Variants in GULP1 observed in about 807,000 individuals in gnomAD.
The protein encoded by GULP1 is PTB domain-containing engulfment adapter protein 1.
GULP1 carries 19 observed loss-of-function variants against 40.9 expected under a neutral mutation model. The observed-to-expected ratio is 0.46, with a 90% CI of 0.32 to 0.68. GULP1 has a LOEUF of 0.68. GULP1 is among the 30% of genes least tolerant of loss of function. The pLI is 0.03. For missense variants in GULP1, 312 were observed against 362.2 expected, an observed-to-expected ratio of 0.86 and a Z score of 1.12; for synonymous variants, 119 against 117.6, an observed-to-expected ratio of 1.01 and a Z score of -0.08.
At chr2:188,539,680 G>A (rs1055112185) in intron 6 of GULP1, among the ~76,000 whole-genome samples, 5 of 152,006 alleles carry the variant, frequency 3.3e-5, no homozygotes, top group East Asian at 1.9e-4. Context: ...ATGGCTTACC[G>A]TTTGGTTTAC....
At chr2:188,385,399 G>A (rs796286454) in intron 2 of GULP1, among the ~76,000 whole-genome samples, 1 of 152,136 alleles carries the variant, frequency 6.6e-6, no homozygotes, top group East Asian at 1.9e-4. Context: ...ACTTCGTAAA[G>A]CAGAGGGACC....
chr2:188,538,454 C>T (rs1689514919), intron 6 of GULP1, among the ~76,000 whole-genome samples: 2 of 151,876 alleles, frequency 1.3e-5, no homozygotes, highest in South Asian at 4.1e-4. Context: ...TTTAAAAATC[C>T]TTGAGATATT....
chr2:188,499,729 T>C (rs1296344766), intron 4 of GULP1, among the ~76,000 whole-genome samples: 1 of 151,860 alleles, frequency 6.6e-6, no homozygotes, highest in Non-Finnish European at 1.5e-5. Context: ...TTTTACTCTG[T>C]CTTCTCTAGT....
intron 7 of GULP1, among the ~76,000 whole-genome samples, chr2:188,555,607 G>T (rs1388908777): frequency 2.0e-5 from 3 of 152,180 alleles, no homozygotes; most frequent in Non-Finnish European, 4.4e-5. Flanking sequence ...CTTTACAGGT[G>T]ACTAGACGCT....
At chr2:188,546,447 C>T (rs1456224846) in intron 7 of GULP1, among the ~76,000 whole-genome samples, 2 of 151,954 alleles carry the variant, frequency 1.3e-5, no homozygotes, top group Non-Finnish European at 2.9e-5. Flanking sequence ...GGAAATGAAA[C>T]ATCATATTCA....
intron 2 of GULP1, among the ~76,000 whole-genome samples, chr2:188,456,307 G>T (rs576853488): frequency 3.3e-5 from 5 of 152,128 alleles, no homozygotes; most frequent in East Asian, 1.9e-4. Context: ...CTCCCATCAC[G>T]TGCCGGAAGG....
intron 7 of GULP1, among the ~76,000 whole-genome samples, chr2:188,552,091 C>A (rs955399347): frequency 1.3e-5 from 2 of 151,400 alleles, no homozygotes; most frequent in Non-Finnish European, 3.0e-5. Context: ...GATGAATAAT[C>A]CGAAAATATT....
chr2:188,434,620 GT>G (rs548069066), intron 2 of GULP1, among the ~76,000 whole-genome samples: 2 of 146,598 alleles, frequency 1.4e-5, no homozygotes, highest in East Asian at 2.0e-4. Flanking sequence ...TTATATTTTT[GT>G]TTTTTTTATA....
At chr2:188,543,137 C>T (rs1197976320) in intron 7 of GULP1, among the ~76,000 whole-genome samples, 3 of 151,906 alleles carry the variant, frequency 2.0e-5, no homozygotes, top group Admixed American at 6.6e-5. Flanking sequence ...TTGGATATAG[C>T]GTATCAACTA....
chr2:188,306,374 T>C (rs1282706733), intron 1 of GULP1, among the ~76,000 whole-genome samples: 1 of 152,234 alleles, frequency 6.6e-6, no homozygotes, highest in African/African-American at 2.4e-5. Context: ...AAAGTTGTCC[T>C]AATTTTGGCA....
intron 1 of GULP1, among the ~76,000 whole-genome samples, chr2:188,371,248 A>G (rs892376356): frequency 5.9e-5 from 9 of 152,178 alleles, no homozygotes; most frequent in Non-Finnish European, 1.3e-4. Flanking sequence ...AACAATAAAC[A>G]TCATTATTTC....
At chr2:188,549,800 A>T (rs1692973983) in intron 7 of GULP1, among the ~76,000 whole-genome samples, 1 of 151,792 alleles carries the variant, frequency 6.6e-6, no homozygotes. Context: ...AACAATGTGG[A>T]TGACTCTCCA....
At chr2:188,465,055 C>T (rs903530801) in intron 2 of GULP1, among the ~76,000 whole-genome samples, 1 of 151,862 alleles carries the variant, frequency 6.6e-6, no homozygotes, top group Non-Finnish European at 1.5e-5. Context: ...TTACTTTTTC[C>T]TCCACTTCTC....
intron 1 of GULP1, among the ~76,000 whole-genome samples, chr2:188,359,285 T>C (rs1323418090): frequency 2.0e-5 from 3 of 152,142 alleles, no homozygotes; most frequent in African/African-American, 2.4e-5. Flanking sequence ...CTTTTGGAGA[T>C]GTAGTGATGA....
At chr2:188,474,103 C>T (rs553882861) in intron 2 of GULP1, among the ~76,000 whole-genome samples, 45 of 152,250 alleles carry the variant, frequency 3.0e-4, no homozygotes, top group African/African-American at 1.1e-3. Context: ...GAACAGGTAC[C>T]TGATAACTCT....
intron 2 of GULP1, among the ~76,000 whole-genome samples, chr2:188,422,853 G>C (rs971829280): frequency 2.6e-5 from 4 of 152,096 alleles, no homozygotes; most frequent in African/African-American, 9.7e-5. Flanking sequence ...CATGAGAACA[G>C]TGGAGGATCT....
chr2:188,441,629 C>A (rs528393220), intron 2 of GULP1, among the ~76,000 whole-genome samples: 1 of 152,170 alleles, frequency 6.6e-6, no homozygotes, highest in African/African-American at 2.4e-5. Flanking sequence ...AAAGAGGGAG[C>A]CTGAACATCT....
intron 9 of GULP1, among the ~76,000 whole-genome samples, chr2:188,576,110 G>C (rs189724262): frequency 5.3e-4 from 80 of 152,248 alleles, no homozygotes; most frequent in African/African-American, 1.9e-3. Flanking sequence ...GGAGTAGTGA[G>C]TGGTAAAGAA....
chr2:188,442,305 G>A (rs964688063), intron 2 of GULP1, among the ~76,000 whole-genome samples: 12 of 152,016 alleles, frequency 7.9e-5, no homozygotes, highest in Non-Finnish European at 1.2e-4. Context: ...TTTTAGTCAC[G>A]CCAGTAAATG....
Sources: gnomAD v4.1 joint callset for allele counts (sites outside exome capture counted in the v4.1 genomes callset) on GRCh38, gnomAD v4.1.1 for gene constraint, MANE v1.5 for transcripts, NCBI Gene and HGNC (gene_info 2026-07-23, HGNC 2026-07-21) for gene names.